Variants in CACNA1I observed in about 807,000 individuals in gnomAD.
The protein encoded by CACNA1I is calcium voltage-gated channel subunit alpha1 I.
CACNA1I carries 74 observed loss-of-function variants against 201.6 expected under a neutral mutation model. The ratio of observed to expected loss-of-function variants is 0.37; its 90% CI spans 0.30 to 0.45. The LOEUF (loss-of-function observed/expected upper bound fraction) is 0.45, where lower values mean the gene tolerates loss of function less well. CACNA1I is among the 20% of genes least tolerant of loss of function. The probability of loss-of-function intolerance (pLI) is 1.00; values close to 1 mark genes in which losing one functional copy is unlikely to be tolerated. For missense variants in CACNA1I, 2,346 were observed against 3,138.1 expected (o/e 0.75, Z 6.03); for synonymous variants, 1,431 against 1,345.2 (o/e 1.06, Z -1.40).
chr22:39,662,979 C>T (rs1433403925), intron 18 of CACNA1I, 103 bp downstream of exon 18: 38 of 785,800 alleles, frequency 4.8e-5, no homozygotes, highest in Non-Finnish European at 6.8e-5. Flanking sequence ...TCTCCCAGAC[C>T]ACAGCGGACC....
intron 1 of CACNA1I, among the ~76,000 whole-genome samples, chr22:39,579,119 G>A (rs536707372): frequency 3.9e-5 from 6 of 152,336 alleles, no homozygotes; most frequent in Non-Finnish European, 7.4e-5. Flanking sequence ...CAGGGCTTAC[G>A]CCTCTGACGT....
chr22:39,662,223 C>G lies in CACNA1I; in HGVS notation c.3160C>G (p.Arg1054Gly), dbSNP rs1935043855. 3 of 1,528,854 alleles carry G rather than the reference C, an allele frequency of 2.0e-6. No individual in the cohort carries two copies. The highest frequency in any genetic ancestry group is 4.0e-5 in the Admixed American group (2 of 49,822). The allele number at this position is 1,528,854 out of a possible 1,614,324, so 94.7% of individuals were successfully genotyped here. Residue 1054 changes from arginine (R) to glycine (G), a missense_variant, in exon 17 of 37, where the codon CGC (arginine) becomes GGC (glycine). Transcript: ENST00000402142. ...PHLAHRHRHH[R>G]RTLSLDNRDS... The stretch of plus-strand genomic sequence containing the variant: ...TCTGGCGCACCGCCACCGCCACCAC[C>G]GCCGGACGCTGTCCCTCGACAACAG...
chr22:39,629,460 C>T lies in CACNA1I; in HGVS notation c.581-5105C>T, dbSNP rs1249936114. On this transcript the variant is annotated intron_variant, in intron 4 of 36. Coordinates refer to ENST00000402142, the MANE Select transcript of CACNA1I (RefSeq NM_021096.4). This position sits in a 1 kb window ranked among gnomAD's most constrained non-coding sequence, Gnocchi z 4.8. ...AATACCTCCAGAATCCACCATGTTC[C>T]CCACTCCACTGCCATCATTATCTGG... is the stretch of plus-strand genomic sequence containing the variant. 2.0e-5 allele frequency among the ~76,000 whole-genome samples: 3 copies of T among 151,966 alleles called. No homozygotes were observed. The highest frequency in any genetic ancestry group is 7.3e-5 in the African/African-American group (3 of 41,376).
chr22:39,661,095 C>G lies in CACNA1I; in HGVS notation c.2699-13C>G. The G allele has an allele frequency of 6.2e-7, 1 of 1,609,326 alleles. No homozygotes were observed. ...CATCTGTCCCTCCCTCTGTCTCCAT[C>G]TCACTCCTCCAGATCCCAAGCTCTG... On this transcript the variant is annotated splice_polypyrimidine_tract_variant and intron_variant, in intron 15 of 36. Transcript: ENST00000402142.
chr22:39,642,783 T>C lies in CACNA1I; in HGVS notation c.1057-14T>C, dbSNP rs1934383155. ...GGCCAGTCCTCTCGGCTCTCTCTCC[T>C]CTGCGCGCTGCAGGTGATCACTCTG... On this transcript the variant is annotated splice_polypyrimidine_tract_variant and intron_variant, in intron 6 of 36. Coordinates refer to ENST00000402142, the MANE Select transcript of CACNA1I (RefSeq NM_021096.4). 1.3e-6 allele frequency: 2 copies of C among 1,595,218 alleles called. No individual in the cohort carries two copies. The highest frequency in any genetic ancestry group is 1.7e-5 in the Admixed American group (1 of 58,352).
rs550362524 is a variant in CACNA1I at position 39,646,182 on chromosome 22, C to T, written c.1150-387C>T. ...GGCCTCAGCGATCTTTTCCTGTCCC[C>T]ATCTGTGTCTGTGCCTGTGTCTCTC... is the stretch of plus-strand genomic sequence containing the variant. On this transcript the variant is annotated intron_variant, in intron 7 of 36. Transcript: ENST00000402142. 3.9e-5 allele frequency among the ~76,000 whole-genome samples: 6 copies of T among 152,224 alleles called. No individual in the cohort carries two copies. In the East Asian group the frequency reaches 1.2e-3, roughly 29 times the overall value.
intron 5 of CACNA1I, among the ~76,000 whole-genome samples, chr22:39,638,417 T>C (rs754576923): frequency 6.6e-6 from 1 of 152,234 alleles, no homozygotes; most frequent in African/African-American, 2.4e-5. Context: ...ATGTGCCAAA[T>C]TGCCCTCTAA....
Position 39,644,320 on chromosome 22 carries a change from A to G in CACNA1I, c.1149+1431A>G, listed in dbSNP as rs1934423891. On this transcript the variant is annotated intron_variant, in intron 7 of 36. Coordinates refer to ENST00000402142, the MANE Select transcript of CACNA1I (RefSeq NM_021096.4). ...GTAAAGCACGATGCTCCCCGAGCTC[A>G]TTGTGAAATGGGGGACAGTGACAGC... Among the ~76,000 whole-genome samples, 3 of 152,292 alleles carry G rather than the reference A, an allele frequency of 2.0e-5. No individual in the cohort carries two copies. The South Asian group carries it at 6.2e-4, about 32-fold the overall frequency.
rs1284939238 is a variant in CACNA1I, at chr22:39,676,449, T to C, written c.4855-892T>C. Among the ~76,000 whole-genome samples, 1 of 152,168 alleles carries C rather than the reference T, an allele frequency of 6.6e-6. No individual in the cohort carries two copies. The highest frequency in any genetic ancestry group is 6.5e-5 in the Admixed American group (1 of 15,268). ...AGTTAACGTGAACGTTTTCTGAGGG[T>C]TCTAAGGCCTTCTGAGGGTTCTAAG... On this transcript the variant is annotated intron_variant, in intron 29 of 36. Coordinates refer to ENST00000402142, the MANE Select transcript of CACNA1I (RefSeq NM_021096.4). The surrounding 1 kb of genome is among the most constrained non-coding windows in gnomAD (Gnocchi z 4.8).
chr22:39,626,492 G>GTCA (rs1353858461), intron 4 of CACNA1I, among the ~76,000 whole-genome samples: 1 of 152,224 alleles, frequency 6.6e-6, no homozygotes, highest in African/African-American at 2.4e-5. Flanking sequence ...GAGTGGAGGT[G>GTCA]TCATCCTGGG....
intron 3 of CACNA1I, among the ~76,000 whole-genome samples, chr22:39,617,498 T>G (rs1055111930): frequency 6.6e-6 from 1 of 151,692 alleles, no homozygotes; most frequent in Non-Finnish European, 1.5e-5. Flanking sequence ...TGGGGAGGGC[T>G]GGCTGGAGCT....
intron 24 of CACNA1I, among the ~76,000 whole-genome samples, chr22:39,669,214 G>T (rs930016588): frequency 2.6e-5 from 4 of 152,338 alleles, no homozygotes; most frequent in South Asian, 4.1e-4. Flanking sequence ...TCCCAGGCTG[G>T]TAATGGACCT....
chr22:39,625,332 G>T (rs1933868252), intron 4 of CACNA1I, among the ~76,000 whole-genome samples: 1 of 152,204 alleles, frequency 6.6e-6, no homozygotes, highest in South Asian at 2.1e-4. Context: ...GAGTGGGCTG[G>T]TTGCCTGCGG....
At chr22:39,654,365 G>C (rs915654090) in intron 10 of CACNA1I, among the ~76,000 whole-genome samples, 1 of 152,206 alleles carries the variant, frequency 6.6e-6, no homozygotes, top group Middle Eastern at 3.2e-3. Context: ...CCTGGAGCTG[G>C]AGGCTAACCA....
chr22:39,651,637 G>A (rs990577316), intron 10 of CACNA1I, among the ~76,000 whole-genome samples: 5 of 152,210 alleles, frequency 3.3e-5, no homozygotes, highest in African/African-American at 1.2e-4. Context: ...TCCAAGTGGG[G>A]CAGCATCGAG....
At chr22:39,640,838 C>T in intron 5 of CACNA1I, 29 bp from the exon 6 acceptor site, 7 of 1,575,696 alleles carry the variant, frequency 4.4e-6, no homozygotes, top group Non-Finnish European at 6.0e-6. Context: ...TCCCCTTTCC[C>T]TCTTTTACCC....
intron 1 of CACNA1I, 28 bp downstream of exon 1, chr22:39,571,016 G>C: frequency 6.4e-7 from 1 of 1,573,778 alleles, no homozygotes; most frequent in East Asian, 2.2e-5. Flanking sequence ...GGCTGATCGG[G>C]GCCCTGCAGG....
At chr22:39,597,471 G>A (rs910307276) in intron 1 of CACNA1I, among the ~76,000 whole-genome samples, 16 of 152,248 alleles carry the variant, frequency 1.1e-4, no homozygotes, top group African/African-American at 3.4e-4. Flanking sequence ...GTGCCCAGAG[G>A]CCCTGCCCAA....
intron 1 of CACNA1I, among the ~76,000 whole-genome samples, chr22:39,579,962 T>C (rs1932496574): frequency 6.6e-6 from 1 of 152,218 alleles, no homozygotes; most frequent in African/African-American, 2.4e-5. Flanking sequence ...TTTAAGCTCT[T>C]TTAAACAACC....
Sources: allele counts gnomAD v4.1 joint callset (sites outside exome capture counted in the v4.1 genomes callset), GRCh38; gene constraint gnomAD v4.1.1; non-coding constraint Gnocchi (gnomAD v3.1); transcripts MANE v1.5; gene names NCBI Gene and HGNC (gene_info 2026-07-23, HGNC 2026-07-21).